Variants in ATP1B1 observed in about 807,000 individuals in gnomAD.
The protein encoded by ATP1B1 is sodium/potassium-transporting ATPase subunit beta-1.
In ATP1B1, 3 loss-of-function variants were observed where a neutral mutation model predicts 39.6. That is an observed-to-expected ratio of 0.08 (90% CI 0.03 to 0.20). The LOEUF (loss-of-function observed/expected upper bound fraction) is 0.20, where lower values mean the gene tolerates loss of function less well. Ranked by LOEUF, ATP1B1 falls within the 10% of genes least tolerant of loss-of-function variation. The pLI, the probability that ATP1B1 is intolerant of heterozygous loss-of-function variation, is 1.00. For missense variants in ATP1B1, 216 were observed against 371.1 expected (o/e 0.58, Z 3.43); for synonymous variants, 139 against 135.0 (o/e 1.03, Z -0.20).
At chr1:169,129,975 T>A (rs1207489466) in intron 4 of ATP1B1, 35 bp from the exon 5 acceptor site, 1 of 1,596,100 alleles carries the variant, frequency 6.3e-7, no homozygotes, top group Admixed American at 1.7e-5. Flanking sequence ...AGAAATCATT[T>A]ACAATCTACT....
At chr1:169,117,485 ACATTGTATGCC>A (rs1442422472) in intron 2 of ATP1B1, among the ~76,000 whole-genome samples, 1 of 152,202 alleles carries the variant, frequency 6.6e-6, no homozygotes, top group Non-Finnish European at 1.5e-5. Context: ...AACAGATCTT[ACATTGTATGCC>A]CATTGTATGA....
At chr1:169,115,199 AG>A (rs1657816332) in intron 2 of ATP1B1, among the ~76,000 whole-genome samples, 2 of 123,634 alleles carry the variant, frequency 1.6e-5, no homozygotes, top group African/African-American at 5.5e-5. Flanking sequence ...AAAAAAAAAA[AG>A]AAAAAAAAGG....
chr1:169,124,209 C>G (rs1184551888), intron 2 of ATP1B1, among the ~76,000 whole-genome samples: 2 of 152,132 alleles, frequency 1.3e-5, no homozygotes, highest in Non-Finnish European at 2.9e-5. Context: ...AGTGCAAACC[C>G]AAGGCATACG....
At chr1:169,107,554 C>T (rs1657625394) in intron 1 of ATP1B1, among the ~76,000 whole-genome samples, 1 of 152,022 alleles carries the variant, frequency 6.6e-6, no homozygotes, top group Non-Finnish European at 1.5e-5. Context: ...TTAGCTTTGG[C>T]CCGAAACCTG....
chr1:169,123,996 A>T (rs896715860), intron 2 of ATP1B1, among the ~76,000 whole-genome samples: 10 of 152,226 alleles, frequency 6.6e-5, no homozygotes, highest in East Asian at 1.9e-4. Flanking sequence ...ATATTTTTTT[A>T]AAAAAATGTT....
chr1:169,108,137 AG>A (rs1259060504), intron 1 of ATP1B1: 2 of 152,210 alleles, frequency 1.3e-5, no homozygotes, highest in Non-Finnish European at 2.9e-5. Context: ...TGAAAATTAA[AG>A]GGTTAATAAT....
At chr1:169,123,567 T>G (rs970357439) in intron 2 of ATP1B1, among the ~76,000 whole-genome samples, 2 of 149,840 alleles carry the variant, frequency 1.3e-5, no homozygotes, top group Non-Finnish European at 3.0e-5. Context: ...GAATTTCAGT[T>G]AAACTATATC....
At chr1:169,114,011 A>T (rs549794082) in intron 2 of ATP1B1, among the ~76,000 whole-genome samples, 13 of 151,860 alleles carry the variant, frequency 8.6e-5, no homozygotes, top group Non-Finnish European at 1.9e-4. Flanking sequence ...TATGAAAATG[A>T]CAGTAACCTT....
In ATP1B1 at chr1:169,129,937, C is replaced by T. The variant is rs933233771; in HGVS notation, c.568-73C>T. 14 of 1,444,820 alleles carry T rather than the reference C, an allele frequency of 9.7e-6. No homozygotes were observed. In the Middle Eastern group the frequency reaches 5.3e-4, roughly 55 times the overall value. 89.5% of individuals were successfully genotyped at this position (1,444,820 alleles called of 1,614,324 possible). ...GACCAGTGTGTACTTGTTTGGACTA[C>T]GGAGTAGTTTTATTTTTCAGAAACT... is the stretch of plus-strand genomic sequence containing the variant. On this transcript the variant is annotated intron_variant, in intron 4 of 5. Transcript: ENST00000367815.
intron 2 of ATP1B1, among the ~76,000 whole-genome samples, chr1:169,118,519 C>G (rs2101782989): frequency 6.6e-6 from 1 of 152,216 alleles, no homozygotes; most frequent in African/African-American, 2.4e-5. Context: ...GTGCCTCTCC[C>G]CTTACTTTGC....
At position 169,111,377 on chromosome 1, in the gene ATP1B1, C is replaced by T; in HGVS notation, c.105C>T (p.Ile35=). The change falls in exon 2 of 6, where the codon ATC becomes ATT. Residue 35 remains isoleucine, a synonymous_variant. Transcript: ENST00000367815. ...TTTCTGTTCTTCTTGCAGTTAAGAT[C>T]CTTCTATTCTACGTAATATTTTATG... The part of the protein sequence containing the change: ...LGRTGGSWFK[I]LLFYVIFYGC... 1 of 1,614,094 alleles carries T rather than the reference C, an allele frequency of 6.2e-7. No individual in the cohort carries two copies.
intron 2 of ATP1B1, among the ~76,000 whole-genome samples, chr1:169,123,986 A>G (rs1181100878): frequency 6.6e-6 from 1 of 152,236 alleles, no homozygotes; most frequent in East Asian, 1.9e-4. Context: ...GGACATACTT[A>G]TATTTTTTTA....
At position 169,109,895 on chromosome 1, in the gene ATP1B1, G is replaced by A. The variant is rs535455970; in HGVS notation, c.98-1475G>A. 2.6e-5 allele frequency among the ~76,000 whole-genome samples: 4 copies of A among 152,140 alleles called. No individual in the cohort carries two copies. The South Asian group carries it at 6.2e-4, about 24-fold the overall frequency. ...GGAAAAATTTTCCAGATCTCTTGAC[G>A]TCACAGCGTTGCCATTTGCCTACTG... On this transcript the variant is annotated intron_variant, in intron 1 of 5. Coordinates refer to ENST00000367815, the MANE Select transcript of ATP1B1 (RefSeq NM_001677.4).
At chr1:169,110,698 T>TA (rs1272175098) in intron 1 of ATP1B1, 4 of 1,283,222 alleles carry the variant, frequency 3.1e-6, no homozygotes, top group Non-Finnish European at 4.1e-6. Context: ...AAGATGGAAT[T>TA]AAAATGTGCT....
At chr1:169,128,187 C>T (rs1393246546) in intron 4 of ATP1B1, among the ~76,000 whole-genome samples, 2 of 152,192 alleles carry the variant, frequency 1.3e-5, no homozygotes, top group Admixed American at 1.3e-4. Flanking sequence ...AGCCTGGCTT[C>T]TTCTGGCAGG....
intron 3 of ATP1B1, 42 bp downstream of exon 3, chr1:169,125,081 C>G: frequency 6.5e-7 from 1 of 1,537,698 alleles, no homozygotes. Context: ...AGTTTTCTTT[C>G]TCTTTAACTC....
chr1:169,123,410 T>G, intron 2 of ATP1B1, among the ~76,000 whole-genome samples: 1 of 147,504 alleles, frequency 6.8e-6, no homozygotes, highest in Non-Finnish European at 1.5e-5. Context: ...GAGGTGGGGG[T>G]GGGAAGCCAG....
chr1:169,129,779 C>CT (rs1229571072), intron 4 of ATP1B1, among the ~76,000 whole-genome samples: 1 of 152,192 alleles, frequency 6.6e-6, no homozygotes, highest in African/African-American at 2.4e-5. Flanking sequence ...TGCATCACAG[C>CT]TTAATTGTAG....
In ATP1B1 at chr1:169,132,476, AATTTT is replaced by A. The variant is rs1342536957; in HGVS notation, c.*927_*931del. Reference sequence around the variant, plus strand: ...GAATTTTATATTTATGCAGTTGTACAATTTTATTTTTTTCTGCAAGAAAAAGTGTA... The same window carrying A: ...GAATTTTATATTTATGCAGTTGTACAATTTTTTTCTGCAAGAAAAAGTGTA... On this transcript the variant is annotated 3_prime_UTR_variant, in exon 6 of 6. Coordinates refer to ENST00000367815, the MANE Select transcript of ATP1B1 (RefSeq NM_001677.4). The A allele has an allele frequency of 9.3e-6, 4 of 428,760 alleles. No homozygotes were observed. The highest frequency in any genetic ancestry group is 1.6e-5 in the Non-Finnish European group (4 of 243,628). 26.6% of individuals were successfully genotyped at this position (428,760 alleles called of 1,614,324 possible).
Sources: allele counts gnomAD v4.1 joint callset (sites outside exome capture counted in the v4.1 genomes callset), GRCh38; gene constraint gnomAD v4.1.1; transcripts MANE v1.5; gene names NCBI Gene and HGNC (gene_info 2026-07-23, HGNC 2026-07-21).